The following TTBK2 variants were observed in gnomAD, a reference collection of about 807,000 sequenced individuals.
The protein encoded by TTBK2 is tau tubulin kinase 2, also known as tau-tubulin kinase 2.
A neutral mutation model predicts 110.8 loss-of-function variants in TTBK2; 28 were observed. The observed-to-expected ratio is 0.25, with a 90% CI of 0.19 to 0.35. TTBK2 has a LOEUF of 0.35. TTBK2 is among the 10% of genes least tolerant of loss of function. The probability of loss-of-function intolerance (pLI) is 1.00; values close to 1 mark genes in which losing one functional copy is unlikely to be tolerated. For synonymous variants in TTBK2, 532 were observed against 527.3 expected (o/e 1.01, Z -0.12); for missense variants, 1,369 against 1,500.3 (o/e 0.91, Z 1.45).
rs377202784 is a variant in TTBK2 at position 42,920,633 on chromosome 15, TGGC to T, written c.-266_-264del. The T allele has an allele frequency of 0.04, 6,294 of 156,956 alleles. 414 individuals carry two copies. Among genetic ancestry groups the T allele is most frequent in the African/African-American group, 0.13 (5,578 of 41,400 alleles). 9.7% of individuals were successfully genotyped at this position (156,956 alleles called of 1,614,324 possible). ...CCCCTGGGGTACCGTCCGCGTTTAC[TGGC>T]GGCGGCGGCGGCGGCTGCTGCTGCT... On this transcript the variant is annotated 5_prime_UTR_variant, in exon 1 of 15. Transcript: ENST00000267890.
chr15:42,789,876 C>CACACACACACACAT (rs768850495), intron 10 of TTBK2, among the ~76,000 whole-genome samples: 1 of 151,812 alleles, frequency 6.6e-6, no homozygotes, highest in African/African-American at 2.4e-5. Context: ...CACACACACA[C>CACACACACACACAT]ATATACATTT....
At position 42,817,117 on chromosome 15, in the gene TTBK2, A is replaced by G; in HGVS notation, c.538-20T>C. The G allele has an allele frequency of 6.3e-7, 1 of 1,595,234 alleles. No homozygotes were observed. Among genetic ancestry groups the G allele is most frequent in the Non-Finnish European group, 8.6e-7 (1 of 1,168,404 alleles). On this transcript the variant is annotated intron_variant, in intron 6 of 14. Transcript: ENST00000267890. Reference sequence around the variant, plus strand: ...TCGAGGCTACAACGAAGCCATGCAAAGAATAATAAATGAGCTTCAAACAGC... The same window carrying G: ...TCGAGGCTACAACGAAGCCATGCAAGGAATAATAAATGAGCTTCAAACAGC...
chr15:42,888,065 G>A (rs993072073), intron 1 of TTBK2, among the ~76,000 whole-genome samples: 1 of 152,100 alleles, frequency 6.6e-6, no homozygotes, highest in African/African-American at 2.4e-5. Flanking sequence ...GCACCCTGTA[G>A]CCTTTCTGTC....
chr15:42,770,111 G>A (rs1011849489), intron 13 of TTBK2, among the ~76,000 whole-genome samples: 8 of 130,826 alleles, frequency 6.1e-5, no homozygotes, highest in Non-Finnish European at 1.2e-4. Flanking sequence ...GTGGGGTGGG[G>A]GGCAGGGGGA....
At chr15:42,864,377 G>C (rs535826248) in intron 3 of TTBK2, among the ~76,000 whole-genome samples, 3 of 152,234 alleles carry the variant, frequency 2.0e-5, no homozygotes, top group Admixed American at 6.5e-5. Flanking sequence ...CTGAAGTCAG[G>C]AGTTCAAAAC....
chr15:42,816,943 T>C, intron 7 of TTBK2, 89 bp downstream of exon 7: 2 of 437,128 alleles, frequency 4.6e-6, no homozygotes, highest in Non-Finnish European at 6.3e-6. Flanking sequence ...TATATATATA[T>C]ATAAAATAAT....
intron 2 of TTBK2, among the ~76,000 whole-genome samples, chr15:42,878,150 CTT>C (rs530318163): frequency 1.0e-4 from 14 of 138,126 alleles, no homozygotes; most frequent in Non-Finnish European, 9.5e-5. Context: ...ATTTTTTTTG[CTT>C]TTTTTTTTTT....
rs541806338 is a variant in TTBK2 at position 42,741,650 on chromosome 15, T to C, written c.*4145A>G. 1 of 152,282 alleles carries C rather than the reference T, an allele frequency of 6.6e-6. No individual in the cohort carries two copies. The highest frequency in any genetic ancestry group is 6.5e-5 in the Admixed American group (1 of 15,298). The allele number at this position is 152,282 out of a possible 1,614,324, so 9.4% of individuals were successfully genotyped here. A position where few individuals can be genotyped will look rare whatever the true frequency, so the allele number is the denominator to read the frequency against. On this transcript the variant is annotated 3_prime_UTR_variant, in exon 15 of 15. Transcript: ENST00000267890. ...AAATACATAAACATGACAGAAGAAG[T>C]GGTTCTCTAACATATGCCATGTTTG...
At chr15:42,906,496 C>A (rs1318327104) in intron 1 of TTBK2, among the ~76,000 whole-genome samples, 1 of 151,746 alleles carries the variant, frequency 6.6e-6, no homozygotes, top group Non-Finnish European at 1.5e-5. Context: ...TAGAAAAACC[C>A]CTATCTTTCA....
chr15:42,778,303 A>AC (rs1236490066), intron 11 of TTBK2, among the ~76,000 whole-genome samples: 10 of 151,574 alleles, frequency 6.6e-5, no homozygotes, highest in African/African-American at 2.4e-4. Flanking sequence ...AAAAAAAAAA[A>AC]ACAAAAAAGG....
intron 11 of TTBK2, 89 bp downstream of exon 11, chr15:42,783,330 A>T (rs1467389406): frequency 7.7e-7 from 1 of 1,291,194 alleles, no homozygotes; most frequent in Non-Finnish European, 1.1e-6. Context: ...CCCTCACCAG[A>T]TACCAAATCT....
At chr15:42,802,044 C>T (rs1163662287) in intron 9 of TTBK2, 4 of 1,470,462 alleles carry the variant, frequency 2.7e-6, no homozygotes, top group Non-Finnish European at 3.8e-6. Context: ...GCACGAGGCT[C>T]CACTTGGTCT....
At chr15:42,854,422 T>C (rs1893849591) in intron 3 of TTBK2, among the ~76,000 whole-genome samples, 1 of 152,202 alleles carries the variant, frequency 6.6e-6, no homozygotes, top group African/African-American at 2.4e-5. Context: ...TTCTGGGCTT[T>C]AAGCAAAACA....
intron 4 of TTBK2, among the ~76,000 whole-genome samples, chr15:42,834,110 T>C (rs1281893220): frequency 6.8e-6 from 1 of 146,422 alleles, no homozygotes; most frequent in Non-Finnish European, 1.5e-5. Context: ...GAGGATCACT[T>C]GACCCCAGGA....
rs117755472 is a variant in TTBK2 at position 42,862,380 on chromosome 15, A to C, written c.217+10231T>G. ...AATCCAGCAGCACATCCAAAAGTTA[A>C]TTCACCATGATCAAGTAGGCTTTAT... is the stretch of plus-strand genomic sequence containing the variant. On this transcript the variant is annotated intron_variant, in intron 3 of 14. Coordinates refer to ENST00000267890, the MANE Select transcript of TTBK2 (RefSeq NM_173500.4). Among the ~76,000 whole-genome samples the C allele has an allele frequency of 6.5e-3, 994 of 152,302 alleles. 17 individuals carry two copies. The East Asian group carries it at 0.082, about 13-fold the overall frequency.
intron 10 of TTBK2, among the ~76,000 whole-genome samples, chr15:42,786,134 A>C (rs201147832): frequency 3.0e-4 from 2 of 6,682 alleles, no homozygotes; most frequent in Non-Finnish European, 7.3e-4. Flanking sequence ...AAAAAGAAAG[A>C]AAAAAAAAAA....
chr15:42,856,707 A>G (rs1412633465), intron 3 of TTBK2, among the ~76,000 whole-genome samples: 1 of 152,180 alleles, frequency 6.6e-6, no homozygotes, highest in Non-Finnish European at 1.5e-5. Context: ...CTACTTAAAA[A>G]AAAATTTTTT....
At chr15:42,792,451 CT>C (rs1218378364) in intron 10 of TTBK2, among the ~76,000 whole-genome samples, 2 of 152,122 alleles carry the variant, frequency 1.3e-5, no homozygotes, top group South Asian at 2.1e-4. Context: ...ACACTTCTCC[CT>C]TTTTTTTCTT....
At chr15:42,865,218 A>G (rs1482700006) in intron 3 of TTBK2, among the ~76,000 whole-genome samples, 1 of 152,090 alleles carries the variant, frequency 6.6e-6, no homozygotes, top group African/African-American at 2.4e-5. Context: ...GAGGTGGGTC[A>G]ATTGATGGAG....
Sources: gnomAD v4.1 joint callset for allele counts (sites outside exome capture counted in the v4.1 genomes callset) on GRCh38, gnomAD v4.1.1 for gene constraint, MANE v1.5 for transcripts, NCBI Gene and HGNC (gene_info 2026-07-23, HGNC 2026-07-21) for gene names.